ANO6: variants seen among roughly 807,000 people sequenced by gnomAD.
ANO6 encodes anoctamin 6.
ANO6 carries 106 observed loss-of-function variants against 117.5 expected under a neutral mutation model. The observed-to-expected ratio is 0.90, with a 90% CI of 0.77 to 1.06. ANO6 has a LOEUF of 1.06. Ranked by LOEUF, ANO6 falls within the 50% of genes least tolerant of loss-of-function variation. The pLI, the probability that ANO6 is intolerant of heterozygous loss-of-function variation, is 0.00. For missense variants in ANO6, 955 were observed against 1,121.1 expected, an observed-to-expected ratio of 0.85 and a Z score of 2.12; for synonymous variants, 367 against 385.1, an observed-to-expected ratio of 0.95 and a Z score of 0.55.
intron 7 of ANO6, among the ~76,000 whole-genome samples, chr12:45,355,871 T>TC (rs1361820669): frequency 6.6e-6 from 1 of 152,040 alleles, no homozygotes; most frequent in Admixed American, 6.6e-5. Context: ...CAGAGCTAAG[T>TC]CCCCACGAGG....
chr12:45,225,475 T>A (rs1947467967), intron 1 of ANO6, among the ~76,000 whole-genome samples: 1 of 152,198 alleles, frequency 6.6e-6, no homozygotes, highest in South Asian at 2.1e-4. Context: ...ACAAAACATA[T>A]GTTTTGGGAC....
At chr12:45,272,306 T>G (rs888684623) in intron 1 of ANO6, among the ~76,000 whole-genome samples, 7 of 151,928 alleles carry the variant, frequency 4.6e-5, no homozygotes, top group African/African-American at 1.7e-4. Context: ...ATTCTGGAAG[T>G]GAAGAGAAGG....
At chr12:45,319,646 A>C (rs1940185186) in intron 2 of ANO6, among the ~76,000 whole-genome samples, 1 of 152,160 alleles carries the variant, frequency 6.6e-6, no homozygotes, top group Non-Finnish European at 1.5e-5. Context: ...TGAGTTAGGG[A>C]GGATTCCCTC....
At chr12:45,362,117 G>A (rs1021687499) in intron 8 of ANO6, among the ~76,000 whole-genome samples, 8 of 151,896 alleles carry the variant, frequency 5.3e-5, no homozygotes, top group African/African-American at 1.7e-4. Flanking sequence ...TCTGAGACTG[G>A]GCTTTTCTTT....
chr12:45,283,178 G>A (rs1181534957), intron 1 of ANO6, among the ~76,000 whole-genome samples: 2 of 152,340 alleles, frequency 1.3e-5, no homozygotes, highest in East Asian at 3.9e-4. Flanking sequence ...AGTAGAATTT[G>A]TGAGGTCGAA....
rs914788874 is a variant in ANO6, at chr12:45,430,514, G to A, written c.*1203G>A. 3.0e-6 allele frequency: 3 copies of A among 985,314 alleles called. No homozygotes were observed. The highest frequency in any genetic ancestry group is 3.6e-6 in the Non-Finnish European group (3 of 829,950). 61.0% of individuals were successfully genotyped at this position (985,314 alleles called of 1,614,324 possible). A position where few individuals can be genotyped will look rare whatever the true frequency, so the allele number is the denominator to read the frequency against. ...CCTCCATCCTGTTACTCTGGGCCCA[G>A]TAATTTGATGTAACTGTCTGATTGT... On this transcript the variant is annotated 3_prime_UTR_variant, in exon 20 of 20. Transcript: ENST00000320560.
downstream of ANO6, among the ~76,000 whole-genome samples, chr12:45,434,167 C>T (rs1335382919): frequency 1.3e-5 from 2 of 152,184 alleles, no homozygotes; most frequent in South Asian, 2.1e-4. Flanking sequence ...AGAACCACTT[C>T]GCACAGGAAC....
intron 1 of ANO6, among the ~76,000 whole-genome samples, chr12:45,269,356 T>G (rs1022304935): frequency 6.6e-6 from 1 of 152,238 alleles, no homozygotes; most frequent in Non-Finnish European, 1.5e-5. Flanking sequence ...ATGAATAGTC[T>G]TCTTCTAAGG....
At chr12:45,362,983 T>C (rs1941593252) in intron 8 of ANO6, among the ~76,000 whole-genome samples, 1 of 152,198 alleles carries the variant, frequency 6.6e-6, no homozygotes. Context: ...TAGTTAGTTC[T>C]ATCTCTGCTT....
At chr12:45,439,433 C>T (rs1187914698) in intron 19 of ANO6, among the ~76,000 whole-genome samples, 1 of 152,146 alleles carries the variant, frequency 6.6e-6, no homozygotes, top group Non-Finnish European at 1.5e-5. Flanking sequence ...TGGAGACAAA[C>T]CTAAGCAGGA....
chr12:45,314,888 A>C (rs1327912772), intron 2 of ANO6, among the ~76,000 whole-genome samples: 1 of 152,124 alleles, frequency 6.6e-6, no homozygotes, highest in East Asian at 1.9e-4. Context: ...TAACTATCAC[A>C]GTGGATGTAT....
intron 15 of ANO6, among the ~76,000 whole-genome samples, chr12:45,407,482 A>AACC (rs1942968383): frequency 8.5e-4 from 8 of 9,428 alleles, no homozygotes; most frequent in Non-Finnish European, 1.4e-3. Context: ...TACCTGAGTC[A>AACC]CCCCCCCCCC....
intron 9 of ANO6, among the ~76,000 whole-genome samples, chr12:45,373,917 C>T (rs1411861209): frequency 2.0e-5 from 3 of 152,074 alleles, no homozygotes; most frequent in Non-Finnish European, 4.4e-5. Flanking sequence ...ATTAATGAAT[C>T]CAGGAGCATG....
chr12:45,337,849 A>G (rs7979280), intron 3 of ANO6, among the ~76,000 whole-genome samples: 68,773 of 149,522 alleles, frequency 0.46, 15,863 homozygotes, highest in South Asian at 0.64. Context: ...TTTGGCTTCC[A>G]TTATATATGC....
chr12:45,371,368 G>A (rs1322614420), intron 9 of ANO6, among the ~76,000 whole-genome samples: 1 of 152,228 alleles, frequency 6.6e-6, no homozygotes, highest in Admixed American at 6.5e-5. Flanking sequence ...CACAGCTCAA[G>A]GAGGCCTGCC....
chr12:45,266,169 A>G (rs181978120), intron 1 of ANO6, among the ~76,000 whole-genome samples: 2 of 152,326 alleles, frequency 1.3e-5, no homozygotes, highest in East Asian at 3.9e-4. Flanking sequence ...AGTTGTCTGC[A>G]TCTTAACCCA....
chr12:45,221,150 G>A (rs1947392312), intron 1 of ANO6, among the ~76,000 whole-genome samples: 3 of 152,174 alleles, frequency 2.0e-5, no homozygotes, highest in Non-Finnish European at 4.4e-5. Context: ...TGATTTAGAG[G>A]ACGCCCAGCT....
Position 45,429,277 on chromosome 12 carries a change from C to G in ANO6, c.2699C>G (p.Ala900Gly), listed in dbSNP as rs891789902. Residue 900 changes from alanine (A) to glycine (G), a missense_variant, in exon 20 of 20, where the codon GCA becomes GGA. By Grantham distance (60) the Ala-to-Gly change is moderately conservative. Coordinates refer to ENST00000320560, the MANE Select transcript of ANO6 (RefSeq NM_001025356.3). ...GTGATAGCTGAGCGGATGATAGAAG[C>G]AGTAGATAACAATTTACGGCCAAAA... The part of the protein sequence containing the change: ...MGVIAERMIE[A>G]VDNNLRPKSE 1.2e-6 allele frequency: 2 copies of G among 1,613,572 alleles called. No homozygotes were observed. The highest frequency in any genetic ancestry group is 1.3e-5 in the African/African-American group (1 of 74,886).
At chr12:45,249,349 C>G (rs1270963390) in intron 1 of ANO6, among the ~76,000 whole-genome samples, 1 of 152,112 alleles carries the variant, frequency 6.6e-6, no homozygotes, top group Non-Finnish European at 1.5e-5. Flanking sequence ...TTGTGATGAG[C>G]ATTTCATCTT....
Sources: allele counts gnomAD v4.1 joint callset (sites outside exome capture counted in the v4.1 genomes callset), GRCh38; gene constraint gnomAD v4.1.1; transcripts MANE v1.5; gene names NCBI Gene and HGNC (gene_info 2026-07-23, HGNC 2026-07-21).